ZNF813: variants seen among roughly 807,000 people sequenced by gnomAD.
ZNF813 encodes the protein zinc finger protein 813.
A neutral mutation model predicts 7.2 loss-of-function variants in ZNF813; 3 were observed. That is an observed-to-expected ratio of 0.42 (90% CI 0.19 to 1.08). The LOEUF (loss-of-function observed/expected upper bound fraction) is 1.08. Ranked by LOEUF, ZNF813 falls within the 50% of genes least tolerant of loss-of-function variation. The probability of loss-of-function intolerance (pLI) is 0.30; values close to 1 mark genes in which losing one functional copy is unlikely to be tolerated. For synonymous variants in ZNF813, 227 were observed against 256.3 expected (o/e 0.89, Z 1.09); for missense variants, 714 against 753.3 (o/e 0.95, Z 0.61).
In ZNF813 at chr19:53,494,522, A is replaced by G. The variant is rs1049592221; in HGVS notation, c.*2436A>G. On this transcript the variant is annotated 3_prime_UTR_variant, in exon 4 of 4. Coordinates refer to ENST00000396403, the MANE Select transcript of ZNF813 (RefSeq NM_001004301.4). ...GCCAGGCATGGTGGCAAATGCCTGT[A>G]ATCCCAGATACTCTGGAGGCTGAGG... 3 of 152,184 alleles carry G rather than the reference A, an allele frequency of 2.0e-5. No homozygotes were observed. Among genetic ancestry groups the G allele is most frequent in the African/African-American group, 7.2e-5 (3 of 41,420 alleles). 9.4% of individuals were successfully genotyped at this position (152,184 alleles called of 1,614,324 possible).
chr19:53,471,052 G>A (rs1481000954), intron 1 of ZNF813, among the ~76,000 whole-genome samples: 1 of 152,006 alleles, frequency 6.6e-6, no homozygotes, highest in East Asian at 1.9e-4. Context: ...TCTTTCAGGG[G>A]GCCAATCTGT....
At chr19:53,469,137 C>G (rs1257585721) in intron 1 of ZNF813, among the ~76,000 whole-genome samples, 1 of 152,202 alleles carries the variant, frequency 6.6e-6, no homozygotes, top group Non-Finnish European at 1.5e-5. Flanking sequence ...CTGCACAGCC[C>G]TAAATCCATT....
At position 53,492,913 on chromosome 19, in the gene ZNF813, A is replaced by T; in HGVS notation, c.*827A>T. On this transcript the variant is annotated 3_prime_UTR_variant, in exon 4 of 4. Coordinates refer to ENST00000396403, the MANE Select transcript of ZNF813 (RefSeq NM_001004301.4). ...GTGGCAAAGCCTTTACTTCACGTTC[A>T]CACCTCCTTAGACATCAGAGAATGC... 1 of 483,844 alleles carries T rather than the reference A, an allele frequency of 2.1e-6. No homozygotes were observed. Among genetic ancestry groups the T allele is most frequent in the South Asian group, 1.5e-5 (1 of 66,190 alleles). 30.0% of individuals were successfully genotyped at this position (483,844 alleles called of 1,614,324 possible).
At chr19:53,488,678 CA>C (rs1324201452) in intron 3 of ZNF813, among the ~76,000 whole-genome samples, 1 of 148,540 alleles carries the variant, frequency 6.7e-6, no homozygotes, top group East Asian at 2.1e-4. Context: ...CTCAGCCTGC[CA>C]AAGTGCTGGG....
chr19:53,468,880 ACT>A (rs2147152130), intron 1 of ZNF813, among the ~76,000 whole-genome samples: 2 of 88,252 alleles, frequency 2.3e-5, no homozygotes, highest in Non-Finnish European at 5.1e-5. Flanking sequence ...TTCCTCTTTC[ACT>A]ACTCCTCCTC....
At chr19:53,479,131 C>T (rs769679762) in intron 1 of ZNF813, among the ~76,000 whole-genome samples, 7 of 152,176 alleles carry the variant, frequency 4.6e-5, no homozygotes, top group Non-Finnish European at 1.0e-4. Flanking sequence ...TATGGGGTTT[C>T]ACCATGTTGG....
Position 53,495,792 on chromosome 19 carries a change from C to CA in ZNF813, c.*3715dup, listed in dbSNP as rs372615123. The stretch of plus-strand genomic sequence containing the variant: ...GGGCAATAAGAGCAAAACTTTGTCT[C>CA]AAAAAAAAATAAATAAATAAAAAAT... On this transcript the variant is annotated 3_prime_UTR_variant, in exon 4 of 4. Transcript: ENST00000396403. 0.088 allele frequency: 13,176 copies of CA among 149,668 alleles called. 624 individuals carry two copies. The highest frequency in any genetic ancestry group is 0.16 in the Middle Eastern group (47 of 296). 9.3% of individuals were successfully genotyped at this position (149,668 alleles called of 1,614,324 possible).
chr19:53,480,444 T>TGTACAA (rs2086402991), intron 1 of ZNF813, among the ~76,000 whole-genome samples: 1 of 152,166 alleles, frequency 6.6e-6, no homozygotes, highest in Non-Finnish European at 1.5e-5. Flanking sequence ...ATTTTTTTTC[T>TGTACAA]GTACATTTCC....
In ZNF813 at chr19:53,490,360, G is replaced by A; in HGVS notation, c.143-15G>A. On this transcript the variant is annotated splice_polypyrimidine_tract_variant and intron_variant, in intron 3 of 3. Transcript: ENST00000396403. The stretch of plus-strand genomic sequence containing the variant: ...TGTACTGAACTGGAAACCTATTCGT[G>A]TTTATATTTTGTAGATATCTCTTCC... 6.2e-7 allele frequency: 1 copy of A among 1,613,290 alleles called. No individual in the cohort carries two copies. The highest frequency in any genetic ancestry group is 1.3e-5 in the African/African-American group (1 of 74,976).
rs759143538 is a variant in ZNF813, at chr19:53,491,841, C to T, written c.1609C>T (p.His537Tyr). The T allele has an allele frequency of 5.6e-6, 9 of 1,609,682 alleles. No individual in the cohort carries two copies. The highest frequency in any genetic ancestry group is 1.7e-5 in the Admixed American group (1 of 59,638). ...TGGCAAGGTTTTTAATCGAAAAACACACCTTGCACATCATCATAGACTTCA... is the reference window on the plus strand; with the variant it reads ...TGGCAAGGTTTTTAATCGAAAAACATACCTTGCACATCATCATAGACTTCA... ...ECGKVFNRKT[H>Y]LAHHHRLHTG... The change falls in exon 4 of 4, where the codon CAC (histidine) becomes TAC (tyrosine). Residue 537 changes from histidine (H) to tyrosine (Y), a missense_variant. Around this residue, in one of 3 missense-constraint regions of ZNF813, gnomAD observed 122 missense variants for 146.8 expected, o/e 0.83. Coordinates refer to ENST00000396403, the MANE Select transcript of ZNF813 (RefSeq NM_001004301.4).
chr19:53,489,614 A>T (rs2086449704), intron 3 of ZNF813, among the ~76,000 whole-genome samples: 1 of 152,142 alleles, frequency 6.6e-6, no homozygotes, highest in Non-Finnish European at 1.5e-5. Flanking sequence ...AAAATAAAAA[A>T]ATACAAAAAT....
intron 3 of ZNF813, among the ~76,000 whole-genome samples, chr19:53,487,289 T>G (rs1369563478): frequency 6.6e-6 from 1 of 152,220 alleles, no homozygotes; most frequent in Non-Finnish European, 1.5e-5. Flanking sequence ...TACCATTGCA[T>G]TTCTGTTACA....
At position 53,490,899 on chromosome 19, in the gene ZNF813, G is replaced by A. The variant is rs1470928408; in HGVS notation, c.667G>A (p.Ala223Thr). The A allele has an allele frequency of 6.2e-7, 1 of 1,614,110 alleles. No homozygotes were observed. Among genetic ancestry groups the A allele is most frequent in the Non-Finnish European group, 8.5e-7 (1 of 1,179,998 alleles). The change falls in exon 4 of 4, where the codon GCC becomes ACC. Residue 223 changes from alanine (A) to threonine (T), a missense_variant. This residue lies in a region of ZNF813 where 563 missense variants were observed against 554.2 expected (regional missense o/e 1.02). Coordinates refer to ENST00000396403, the MANE Select transcript of ZNF813 (RefSeq NM_001004301.4). ...TTTCCAATGTAATGAGAGTGGCAAAGCCTTTAATTATAGCTCACTCTTAAG... is the reference window on the plus strand; with the variant it reads ...TTTCCAATGTAATGAGAGTGGCAAAACCTTTAATTATAGCTCACTCTTAAG... Reference protein sequence around the residue: ...KSFQCNESGKAFNYSSLLRKH... With the variant: ...KSFQCNESGKTFNYSSLLRKH...
At chr19:53,481,709 T>C (rs2086409367) in intron 1 of ZNF813, among the ~76,000 whole-genome samples, 1 of 152,178 alleles carries the variant, frequency 6.6e-6, no homozygotes, top group African/African-American at 2.4e-5. Context: ...TGACCCTCTT[T>C]CACTGTTTTC....
At chr19:53,484,806 T>C (rs550015541) in intron 2 of ZNF813, among the ~76,000 whole-genome samples, 1 of 152,358 alleles carries the variant, frequency 6.6e-6, no homozygotes, top group African/African-American at 2.4e-5. Flanking sequence ...TCTCAGGTGA[T>C]CTGCCCACCT....
At chr19:53,472,329 A>T (rs572725683) in intron 1 of ZNF813, among the ~76,000 whole-genome samples, 1 of 152,320 alleles carries the variant, frequency 6.6e-6, no homozygotes, top group Non-Finnish European at 1.5e-5. Context: ...ACAAGGTGGC[A>T]TGCATACATA....
At chr19:53,471,241 C>T (rs547033168) in intron 1 of ZNF813, among the ~76,000 whole-genome samples, 16 of 152,130 alleles carry the variant, frequency 1.1e-4, no homozygotes, top group Admixed American at 3.9e-4. Context: ...TGGCAACTGT[C>T]GGTAGGCCCT....
intron 1 of ZNF813, among the ~76,000 whole-genome samples, chr19:53,475,484 G>A (rs2086377843): frequency 6.6e-6 from 1 of 152,288 alleles, no homozygotes; most frequent in Non-Finnish European, 1.5e-5. Flanking sequence ...TGTTCGACTG[G>A]GAGCAGAATA....
At position 53,492,248 on chromosome 19, in the gene ZNF813, A is replaced by G; in HGVS notation, c.*162A>G. ...GTTGCAAAATTTTTAATCAACAAGC[A>G]CACCTTCCACGTCATCATAGACTTC... is the stretch of plus-strand genomic sequence containing the variant. On this transcript the variant is annotated 3_prime_UTR_variant, in exon 4 of 4. Transcript: ENST00000396403. 4 of 1,011,310 alleles carry G rather than the reference A, an allele frequency of 4.0e-6. No homozygotes were observed. Among genetic ancestry groups the G allele is most frequent in the Non-Finnish European group, 5.9e-6 (4 of 677,888 alleles). The allele number at this position is 1,011,310 out of a possible 1,614,324, so 62.6% of individuals were successfully genotyped here. A position where few individuals can be genotyped will look rare whatever the true frequency, so the allele number is the denominator to read the frequency against.
Sources: allele counts gnomAD v4.1 joint callset (sites outside exome capture counted in the v4.1 genomes callset), GRCh38; gene constraint gnomAD v4.1.1; regional missense constraint gnomAD v4.1.1; transcripts MANE v1.5; gene names NCBI Gene and HGNC (gene_info 2026-07-23, HGNC 2026-07-21).